Variants in NFKB2 observed in about 807,000 individuals in gnomAD.
NFKB2 encodes the protein nuclear factor kappa B subunit 2.
Under a neutral mutation model 109.3 loss-of-function variants are expected in NFKB2, and 21 were observed. The ratio of observed to expected loss-of-function variants is 0.19; its 90% CI spans 0.14 to 0.28. NFKB2 has a LOEUF of 0.28. Ranked by LOEUF, NFKB2 falls within the 10% of genes least tolerant of loss-of-function variation. NFKB2 has a pLI of 1.00. For missense variants in NFKB2, 806 were observed against 1,185.3 expected (o/e 0.68, Z 4.70); for synonymous variants, 478 against 489.9 (o/e 0.98, Z 0.32).
At position 102,396,552 on chromosome 10, in the gene NFKB2, A is replaced by T; in HGVS notation, c.144+63A>T. On this transcript the variant is annotated intron_variant, in intron 4 of 22. Coordinates refer to ENST00000661543, the MANE Select transcript of NFKB2 (RefSeq NM_001322934.2). The surrounding 1 kb of genome is among the most constrained non-coding windows in gnomAD (Gnocchi z 5.9). Reference sequence around the variant, plus strand: ...CTTTGGGGACAAATGGGGTAGTGGTAGCTGGCTGGCCATGGAGGAGCCATT... The same window carrying T: ...CTTTGGGGACAAATGGGGTAGTGGTTGCTGGCTGGCCATGGAGGAGCCATT... 1 of 1,611,210 alleles carries T rather than the reference A, an allele frequency of 6.2e-7. No homozygotes were observed. Among genetic ancestry groups the T allele is most frequent in the Non-Finnish European group, 8.5e-7 (1 of 1,178,638 alleles).
At position 102,395,943 on chromosome 10, in the gene NFKB2, G is replaced by C. The variant is rs755769493; in HGVS notation, c.-17G>C. On this transcript the variant is annotated 5_prime_UTR_variant, in exon 2 of 23. Coordinates refer to ENST00000661543, the MANE Select transcript of NFKB2 (RefSeq NM_001322934.2). ...CTGGCCGGAGCCACTAGACAGAGCC[G>C]GGCCTAGCCCAGAGACATGGAGAGT... 1.9e-6 allele frequency: 3 copies of C among 1,611,490 alleles called. No homozygotes were observed. The South Asian group carries it at 3.3e-5, about 18-fold the overall frequency.
At position 102,400,579 on chromosome 10, in the gene NFKB2, G is replaced by C; in HGVS notation, c.1799-76G>C. 1.3e-6 allele frequency: 2 copies of C among 1,599,032 alleles called. No individual in the cohort carries two copies. The highest frequency in any genetic ancestry group is 1.7e-6 in the Non-Finnish European group (2 of 1,170,708). On this transcript the variant is annotated intron_variant, in intron 16 of 22. Transcript: ENST00000661543. This position sits in a 1 kb window ranked among gnomAD's most constrained non-coding sequence, Gnocchi z 6.3. Reference sequence around the variant, plus strand: ...TGCCCAGAATGGACTATGAGGTGTCGAGATTGAATGGTCAGGGCTGGTCCA... The same window carrying C: ...TGCCCAGAATGGACTATGAGGTGTCCAGATTGAATGGTCAGGGCTGGTCCA...
At position 102,400,869 on chromosome 10, in the gene NFKB2, G is replaced by A; in HGVS notation, c.1968+45G>A. On this transcript the variant is annotated intron_variant, in intron 17 of 22. Coordinates refer to ENST00000661543, the MANE Select transcript of NFKB2 (RefSeq NM_001322934.2). This position sits in a 1 kb window ranked among gnomAD's most constrained non-coding sequence, Gnocchi z 6.3. Reference sequence around the variant, plus strand: ...AAGGAGTGGGGCCAAGGGTGGTGGAGGGGCCAAAGATGGTGAAGGGGGGGG... The same window carrying A: ...AAGGAGTGGGGCCAAGGGTGGTGGAAGGGCCAAAGATGGTGAAGGGGGGGG... 1 of 1,576,862 alleles carries A rather than the reference G, an allele frequency of 6.3e-7. No individual in the cohort carries two copies. Among genetic ancestry groups the A allele is most frequent in the Non-Finnish European group, 8.6e-7 (1 of 1,159,192 alleles).
Position 102,399,353 on chromosome 10 carries a change from A to G in NFKB2, c.1183A>G (p.Met395Val), listed in dbSNP as rs1461691110. 2 of 1,566,116 alleles carry G rather than the reference A, an allele frequency of 1.3e-6. No homozygotes were observed. Among genetic ancestry groups the G allele is most frequent in the Non-Finnish European group, 1.7e-6 (2 of 1,157,878 alleles). ...YSPYQSGAGP[M>V]GCYPGGGGGA... ...CCCCTACCAGTCCGGCGCGGGCCCC[A>G]TGGGCTGCTACCCGGGAGGCGGGGG... The change falls in exon 13 of 23, where the codon ATG becomes GTG. Residue 395 changes from methionine (M) to valine (V), a missense_variant. Met to Val is a conservative substitution (Grantham distance 21). Coordinates refer to ENST00000661543, the MANE Select transcript of NFKB2 (RefSeq NM_001322934.2).
Position 102,400,643 on chromosome 10 carries a change from C to T in NFKB2, c.1799-12C>T, listed in dbSNP as rs1216243065. 1 of 1,613,160 alleles carries T rather than the reference C, an allele frequency of 6.2e-7. No individual in the cohort carries two copies. The highest frequency in any genetic ancestry group is 1.7e-5 in the Admixed American group (1 of 59,956). On this transcript the variant is annotated splice_polypyrimidine_tract_variant and intron_variant, in intron 16 of 22. Transcript: ENST00000661543. The surrounding 1 kb of genome is among the most constrained non-coding windows in gnomAD (Gnocchi z 6.3). The stretch of plus-strand genomic sequence containing the variant: ...GGGTCACAGCTGCAGGTTGAGCATC[C>T]TGCATCCTTAGGACTGTATCCAGTA...
chr10:102,398,302 C>T lies in NFKB2; in HGVS notation c.852+5C>T. 4 of 1,614,086 alleles carry T rather than the reference C, an allele frequency of 2.5e-6. No homozygotes were observed. Among genetic ancestry groups the T allele is most frequent in the Non-Finnish European group, 3.4e-6 (4 of 1,180,016 alleles). ...CCCACAGATGTGCATAAACAGGTAC[C>T]CAGGGCTAGGGCCCGGGCCCGGGCT... is the stretch of plus-strand genomic sequence containing the variant. On this transcript the variant is annotated splice_donor_5th_base_variant and intron_variant, in intron 10 of 22. Coordinates refer to ENST00000661543, the MANE Select transcript of NFKB2 (RefSeq NM_001322934.2). The surrounding 1 kb of genome is among the most constrained non-coding windows in gnomAD (Gnocchi z 6.6).
rs1387930147 is a variant in NFKB2 at position 102,398,432 on chromosome 10, G to C, written c.900G>C (p.Glu300Asp). 1.2e-6 allele frequency: 2 copies of C among 1,614,164 alleles called. No homozygotes were observed. Among genetic ancestry groups the C allele is most frequent in the South Asian group, 2.2e-5 (2 of 91,076 alleles). Residue 300 changes from glutamate to aspartate, a missense_variant, in exon 11 of 23, where the codon GAG becomes GAC. This residue lies in a region of NFKB2 where 64 missense variants were observed against 177.4 expected (regional missense o/e 0.36). Coordinates refer to ENST00000661543, the MANE Select transcript of NFKB2 (RefSeq NM_001322934.2). This position sits in a 1 kb window ranked among gnomAD's most constrained non-coding sequence, Gnocchi z 6.6. ...RTPPYHKMKI[E>D]RPVTVFLQLK... ...CCCCCTATCACAAGATGAAGATTGA[G>C]CGGCCTGTAACAGTGTTTCTGCAAC...
chr10:102,400,167 T>C lies in NFKB2; in HGVS notation c.1557T>C (p.Val519=). ...TCCACCACGCCCAGGACCTCGGCGT[T>C]GTCAACCTCACCAACCACCTGCACC... ...YVIHHAQDLG[V]VNLTNHLHQT... is the part of the protein sequence containing the mutation. The change falls in exon 15 of 23, where the codon GTT becomes GTC. Residue 519 remains valine, a synonymous_variant. Transcript: ENST00000661543. The surrounding 1 kb of genome is among the most constrained non-coding windows in gnomAD (Gnocchi z 6.3). 1.2e-6 allele frequency: 2 copies of C among 1,614,100 alleles called. No individual in the cohort carries two copies. The highest frequency in any genetic ancestry group is 1.7e-6 in the Non-Finnish European group (2 of 1,179,996).
At chr10:102,395,000 T>C (rs181469901), upstream of NFKB2, among the ~76,000 whole-genome samples, 1 of 151,224 alleles carries the variant, frequency 6.6e-6, no homozygotes, top group Non-Finnish European at 1.5e-5. Flanking sequence ...ACATGCTCGC[T>C]TGCACACTCA....
rs867978670 is a variant in NFKB2 at position 102,396,619 on chromosome 10, A to T, written c.145-106A>T. 3 of 1,554,408 alleles carry T rather than the reference A, an allele frequency of 1.9e-6. No individual in the cohort carries two copies. Among genetic ancestry groups the T allele is most frequent in the South Asian group, 2.3e-5 (2 of 88,564 alleles). On this transcript the variant is annotated intron_variant, in intron 4 of 22. Transcript: ENST00000661543. This position sits in a 1 kb window ranked among gnomAD's most constrained non-coding sequence, Gnocchi z 5.9. ...GGGGATTGGATGGTCACTGCTGCTGATCAGAGTGCTGTAGTTTGGTTCAGG... is the reference window on the plus strand; with the variant it reads ...GGGGATTGGATGGTCACTGCTGCTGTTCAGAGTGCTGTAGTTTGGTTCAGG...
At chr10:102,394,223 G>A (rs2061059341), upstream of NFKB2, 1 of 152,270 alleles carries the variant, frequency 6.6e-6, no homozygotes, top group Non-Finnish European at 1.5e-5. Context: ...CAAGCGTTAG[G>A]CGCAGCCAAA....
rs776988623 is a variant in NFKB2, at chr10:102,399,512, G to T, written c.1327+15G>T. The T allele has an allele frequency of 2.0e-6, 3 of 1,500,970 alleles. No homozygotes were observed. Among genetic ancestry groups the T allele is most frequent in the Non-Finnish European group, 2.7e-6 (3 of 1,123,668 alleles). 93.0% of individuals were successfully genotyped at this position (1,500,970 alleles called of 1,614,324 possible). On this transcript the variant is annotated intron_variant, in intron 13 of 22. Coordinates refer to ENST00000661543, the MANE Select transcript of NFKB2 (RefSeq NM_001322934.2). The stretch of plus-strand genomic sequence containing the variant: ...GCTGCAGCGAGGTATGGACTCCGGG[G>T]CACGGGCGGTCGGGGCGCCGGGGCT...
At position 102,398,355 on chromosome 10, in the gene NFKB2, T is replaced by C; in HGVS notation, c.853-30T>C. On this transcript the variant is annotated intron_variant, in intron 10 of 22. Coordinates refer to ENST00000661543, the MANE Select transcript of NFKB2 (RefSeq NM_001322934.2). The surrounding 1 kb of genome is among the most constrained non-coding windows in gnomAD (Gnocchi z 6.6). Reference sequence around the variant, plus strand: ...GGGCTAAATTAGGCTAAGGACTCACTGACACCCTGTGTCTCCCTGCACCCC... The same window carrying C: ...GGGCTAAATTAGGCTAAGGACTCACCGACACCCTGTGTCTCCCTGCACCCC... The C allele has an allele frequency of 1.9e-6, 3 of 1,614,052 alleles. No homozygotes were observed. Among genetic ancestry groups the C allele is most frequent in the Non-Finnish European group, 2.5e-6 (3 of 1,179,976 alleles).
Position 102,399,517 on chromosome 10 carries a change from G to C in NFKB2, c.1327+20G>C. On this transcript the variant is annotated intron_variant, in intron 13 of 22. Coordinates refer to ENST00000661543, the MANE Select transcript of NFKB2 (RefSeq NM_001322934.2). ...AGCGAGGTATGGACTCCGGGGCACGGGCGGTCGGGGCGCCGGGGCTGAGGA... is the reference window on the plus strand; with the variant it reads ...AGCGAGGTATGGACTCCGGGGCACGCGCGGTCGGGGCGCCGGGGCTGAGGA... The C allele has an allele frequency of 2.0e-6, 3 of 1,500,732 alleles. No individual in the cohort carries two copies. The highest frequency in any genetic ancestry group is 1.7e-4 in the Middle Eastern group (1 of 5,762). 93.0% of individuals were successfully genotyped at this position (1,500,732 alleles called of 1,614,324 possible).
In NFKB2 at chr10:102,396,033, A is replaced by G; in HGVS notation, c.21+53A>G. The G allele has an allele frequency of 6.2e-7, 1 of 1,608,642 alleles. No homozygotes were observed. The highest frequency in any genetic ancestry group is 8.5e-7 in the Non-Finnish European group (1 of 1,178,634). On this transcript the variant is annotated intron_variant, in intron 2 of 22. Transcript: ENST00000661543. This position sits in a 1 kb window ranked among gnomAD's most constrained non-coding sequence, Gnocchi z 5.9. ...GGCCGGCTGCCCCTCGTGTCTGTCC[A>G]CCTGTCTGCCCGAGCCCCCTCTGCT...
chr10:102,398,666 A>C lies in NFKB2; in HGVS notation c.992-73A>C. ...AGGTGCTTCCTAGGAGCCGGCCCTG[A>C]GGGCTCTTCTGGGAAGGGCCCCTGA... On this transcript the variant is annotated intron_variant, in intron 11 of 22. Coordinates refer to ENST00000661543, the MANE Select transcript of NFKB2 (RefSeq NM_001322934.2). The surrounding 1 kb of genome is among the most constrained non-coding windows in gnomAD (Gnocchi z 6.6). The C allele has an allele frequency of 6.2e-7, 1 of 1,611,572 alleles. No individual in the cohort carries two copies. The highest frequency in any genetic ancestry group is 2.2e-4 in the Middle Eastern group (1 of 4,528).
chr10:102,400,573 G>A lies in NFKB2; in HGVS notation c.1798+82G>A. ...GGCCAGTGCCCAGAATGGACTATGA[G>A]GTGTCGAGATTGAATGGTCAGGGCT... On this transcript the variant is annotated intron_variant, in intron 16 of 22. Transcript: ENST00000661543. The surrounding 1 kb of genome is among the most constrained non-coding windows in gnomAD (Gnocchi z 6.3). 6.3e-7 allele frequency: 1 copy of A among 1,597,584 alleles called. No individual in the cohort carries two copies. The highest frequency in any genetic ancestry group is 8.5e-7 in the Non-Finnish European group (1 of 1,170,218).
rs1436073527 is a variant in NFKB2 at position 102,399,624 on chromosome 10, C to G, written c.1375C>G (p.Arg459Gly). Reference protein sequence around the residue: ...RLFGLAQRSARALLDYGVTAD... With the variant: ...RLFGLAQRSAGALLDYGVTAD... ...GTTCGGCCTGGCGCAGCGCAGCGCC[C>G]GAGCCCTACTCGACTACGGCGTCAC... Residue 459 changes from arginine to glycine, a missense_variant, in exon 14 of 23, where the codon CGA (arginine) becomes GGA (glycine). By Grantham distance (125) the Arg-to-Gly change is moderately radical (BLOSUM62 -2). Around this residue, in one of 10 missense-constraint regions of NFKB2, gnomAD observed 209 missense variants for 211.9 expected, o/e 0.99. Transcript: ENST00000661543. 4.5e-6 allele frequency: 7 copies of G among 1,545,936 alleles called. No homozygotes were observed. The highest frequency in any genetic ancestry group is 2.4e-5 in the South Asian group (2 of 83,812).
At position 102,401,480 on chromosome 10, in the gene NFKB2, A is replaced by T; in HGVS notation, c.2255A>T (p.Asn752Ile). ...VKTLLLNAAQNTMEPPLTPPS... is the reference protein window; with the variant it reads ...VKTLLLNAAQITMEPPLTPPS... ...ACCTTGCTGCTAAATGCTGCTCAGAACACCATGGAGCCACCCCTGACCCCG... is the reference window on the plus strand; with the variant it reads ...ACCTTGCTGCTAAATGCTGCTCAGATCACCATGGAGCCACCCCTGACCCCG... Residue 752 changes from asparagine (N) to isoleucine (I), a missense_variant, in exon 20 of 23, where the codon AAC (asparagine) becomes ATC (isoleucine). By Grantham distance (149) the Asn-to-Ile change is moderately radical. This residue lies in a region of NFKB2 where 211 missense variants were observed against 268.7 expected (regional missense o/e 0.79). Coordinates refer to ENST00000661543, the MANE Select transcript of NFKB2 (RefSeq NM_001322934.2). The surrounding 1 kb of genome is among the most constrained non-coding windows in gnomAD (Gnocchi z 4.2). The T allele has an allele frequency of 6.2e-7, 1 of 1,613,736 alleles. No individual in the cohort carries two copies. The highest frequency in any genetic ancestry group is 8.5e-7 in the Non-Finnish European group (1 of 1,179,952).
Sources: allele counts gnomAD v4.1 joint callset (sites outside exome capture counted in the v4.1 genomes callset), GRCh38; gene constraint gnomAD v4.1.1; regional missense constraint gnomAD v4.1.1; non-coding constraint Gnocchi (gnomAD v3.1); transcripts MANE v1.5; gene names NCBI Gene and HGNC (gene_info 2026-07-23, HGNC 2026-07-21).